TSEN54: variants seen among roughly 807,000 people sequenced by gnomAD.
TSEN54 encodes the protein tRNA-splicing endonuclease subunit Sen54.
Under a neutral mutation model 61.9 loss-of-function variants are expected in TSEN54, and 55 were observed. The ratio of observed to expected loss-of-function variants is 0.89; its 90% CI spans 0.72 to 1.11. The LOEUF (loss-of-function observed/expected upper bound fraction) is 1.11, where lower values mean the gene tolerates loss of function less well. TSEN54 is among the 50% of genes most tolerant of loss of function. TSEN54 has a pLI of 0.00. For missense variants in TSEN54, 760 were observed against 687.7 expected, an observed-to-expected ratio of 1.11 and a Z score of -1.18; for synonymous variants, 304 against 288.7, an observed-to-expected ratio of 1.05 and a Z score of -0.54.
In TSEN54 at chr17:75,517,153, C is replaced by T. The variant is rs886053395; in HGVS notation, c.286-8C>T. On this transcript the variant is annotated splice_polypyrimidine_tract_variant and splice_region_variant and intron_variant, in intron 3 of 10. Coordinates refer to ENST00000333213, the MANE Select transcript of TSEN54 (RefSeq NM_207346.3). The stretch of plus-strand genomic sequence containing the variant: ...TCCCTTGTGACACTTGCTCTGGGCC[C>T]CACACAGGGCAAATTCTGGCAGACC... The T allele has an allele frequency of 6.4e-7, 1 of 1,564,146 alleles. No individual in the cohort carries two copies.
In TSEN54 at chr17:75,521,889, C is replaced by T. The variant is rs758853965; in HGVS notation, c.808C>T (p.Pro270Ser). The T allele has an allele frequency of 1.1e-5, 18 of 1,609,722 alleles. No homozygotes were observed. The highest frequency in any genetic ancestry group is 3.4e-5 in the Admixed American group (2 of 59,556). Residue 270 changes from proline to serine, a missense_variant, in exon 8 of 11, where the codon CCG becomes TCG. Physicochemically the swap from Pro to Ser is moderately conservative, Grantham distance 74. Around this residue, in one of 3 missense-constraint regions of TSEN54, gnomAD observed 667 missense variants for 577.8 expected, o/e 1.15. Transcript: ENST00000333213. ...GGGGTCCCTGGGCCCCAGCCCTGGC[C>T]CGGCCAGGGAGGGGGTGGGGTGCAG... Reference protein sequence around the residue: ...LLGSLGPSPGPAREGVGCSWE... With the variant: ...LLGSLGPSPGSAREGVGCSWE...
At chr17:75,516,648 G>T (rs1301831372) in intron 1 of TSEN54, 32 bp downstream of exon 1, 2 of 1,236,716 alleles carry the variant, frequency 1.6e-6, no homozygotes, top group Middle Eastern at 3.2e-4. Flanking sequence ...GTGGGTGTCG[G>T]GGGCGCGGGG....
chr17:75,519,283 C>G (rs994750016), intron 6 of TSEN54, among the ~76,000 whole-genome samples: 1 of 152,198 alleles, frequency 6.6e-6, no homozygotes, highest in Non-Finnish European at 1.5e-5. Context: ...TGACCTGCGC[C>G]TGCAGCTGAG....
intron 8 of TSEN54, 70 bp from the exon 9 acceptor site, chr17:75,523,205 T>A: frequency 1.2e-6 from 2 of 1,609,358 alleles, no homozygotes; most frequent in Non-Finnish European, 1.7e-6. Context: ...AATCTGGCCG[T>A]CCTAAACTAG....
Position 75,517,094 on chromosome 17 carries a change from C to G in TSEN54, c.285+22C>G, listed in dbSNP as rs376011204. On this transcript the variant is annotated intron_variant, in intron 3 of 10. Coordinates refer to ENST00000333213, the MANE Select transcript of TSEN54 (RefSeq NM_207346.3). ...CGCGGTGAGCGGCGGGCTCGGGGACCGGGGACCGCCCTCCCTGCCCTCCCT... is the reference window on the plus strand; with the variant it reads ...CGCGGTGAGCGGCGGGCTCGGGGACGGGGGACCGCCCTCCCTGCCCTCCCT... 5 of 1,578,940 alleles carry G rather than the reference C, an allele frequency of 3.2e-6. No homozygotes were observed. The African/African-American group carries it at 7.2e-5, about 23-fold the overall frequency.
intron 6 of TSEN54, 44 bp downstream of exon 6, chr17:75,519,091 G>A (rs763510153): frequency 5.1e-5 from 82 of 1,606,464 alleles, no homozygotes; most frequent in Non-Finnish European, 6.4e-5. Flanking sequence ...CTAGTCCTGG[G>A]ACCTGGCTGA....
At chr17:75,523,177 T>A (rs2053447704) in intron 8 of TSEN54, 98 bp from the exon 9 acceptor site, 10 of 1,350,588 alleles carry the variant, frequency 7.4e-6, no homozygotes, top group Non-Finnish European at 1.0e-5. Context: ...AGACTCCGTT[T>A]AAAAAAAAAA....
At chr17:75,524,234 G>A (rs1437308156) in intron 10 of TSEN54, 28 bp from the exon 11 acceptor site, 2 of 1,613,912 alleles carry the variant, frequency 1.2e-6, no homozygotes, top group African/African-American at 2.7e-5. Context: ...CTATGGCTGG[G>A]TCTCACTCTA....
In TSEN54 at chr17:75,516,780, C is replaced by G; in HGVS notation, c.91C>G (p.Gln31Glu). 6.3e-7 allele frequency: 1 copy of G among 1,581,486 alleles called. No individual in the cohort carries two copies. The highest frequency in any genetic ancestry group is 8.5e-7 in the Non-Finnish European group (1 of 1,171,928). ...RELFAARSRS[Q>E]KLPQRSHGPK... The stretch of plus-strand genomic sequence containing the variant: ...GCTCTTCGCCGCCCGCTCGCGGTCG[C>G]AGAAGCTGCCCCAGCGCTCGCATGG... The change falls in exon 2 of 11, where the codon CAG becomes GAG. Residue 31 changes from glutamine (Q) to glutamate (E), a missense_variant. Gln to Glu is a conservative substitution (Grantham distance 29, BLOSUM62 2). This residue lies in a region of TSEN54 where 667 missense variants were observed against 577.8 expected (regional missense o/e 1.15). Coordinates refer to ENST00000333213, the MANE Select transcript of TSEN54 (RefSeq NM_207346.3).
At chr17:75,517,268 G>A in intron 4 of TSEN54, 24 bp downstream of exon 4, 1 of 1,574,548 alleles carries the variant, frequency 6.4e-7, no homozygotes, top group Non-Finnish European at 8.6e-7. Context: ...GGGAGGTGGG[G>A]AAGGAGTTGG....
intron 7 of TSEN54, 86 bp from the exon 8 acceptor site, chr17:75,521,619 C>G (rs896560667): frequency 1.6e-5 from 25 of 1,570,480 alleles, no homozygotes; most frequent in Non-Finnish European, 1.9e-5. Flanking sequence ...CAGGGAGACA[C>G]TAGGGGACCT....
At position 75,516,962 on chromosome 17, in the gene TSEN54, G is replaced by A. The variant is rs747263329; in HGVS notation, c.222-47G>A. 2.6e-6 allele frequency: 4 copies of A among 1,546,724 alleles called. No individual in the cohort carries two copies. In the Admixed American group the frequency reaches 7.8e-5, roughly 30 times the overall value. On this transcript the variant is annotated intron_variant, in intron 2 of 10. Coordinates refer to ENST00000333213, the MANE Select transcript of TSEN54 (RefSeq NM_207346.3). ...GGAAGCGGGGGCGAGGCGGGCCGCG[G>A]GGTCTCCGGAATGGACTGACGCAGA...
At chr17:75,524,006 G>C (rs1193461677) in intron 10 of TSEN54, among the ~76,000 whole-genome samples, 1 of 152,176 alleles carries the variant, frequency 6.6e-6, no homozygotes, top group Non-Finnish European at 1.5e-5. Context: ...TGCCATTTTA[G>C]TCTAGGACTC....
intron 1 of TSEN54, 57 bp from the exon 2 acceptor site, chr17:75,516,689 A>C: frequency 4.0e-6 from 5 of 1,263,074 alleles, no homozygotes; most frequent in Non-Finnish European, 5.0e-6. Context: ...GGCGCCCGGG[A>C]CCCGGCCAGG....
intron 3 of TSEN54, 31 bp downstream of exon 3, chr17:75,517,103 CCCTCCCTG>C: frequency 1.8e-6 from 2 of 1,095,556 alleles, no homozygotes; most frequent in African/African-American, 4.1e-5. Context: ...CCGGGGACCG[CCCTCCCTG>C]CCCTCCCTGC....
rs1205287158 is a variant in TSEN54, at chr17:75,516,594, G to T, written c.34G>T (p.Val12Phe). 1.7e-6 allele frequency: 2 copies of T among 1,167,270 alleles called. No individual in the cohort carries two copies. Among genetic ancestry groups the T allele is most frequent in the Non-Finnish European group, 2.1e-6 (2 of 947,736 alleles). 72.3% of individuals were successfully genotyped at this position (1,167,270 alleles called of 1,614,324 possible). A position where few individuals can be genotyped will look rare whatever the true frequency, so the allele number is the denominator to read the frequency against. The change falls in exon 1 of 11, where the codon GTT (valine) becomes TTT (phenylalanine). Residue 12 changes from valine (V) to phenylalanine (F), a missense_variant. This residue lies in a region of TSEN54 where 667 missense variants were observed against 577.8 expected (regional missense o/e 1.15). Transcript: ENST00000333213. ...CGAGCCCGAGCCCGCGGCCGTGGAG[G>T]TTCCCGCGGGGCGCGTGCTCAGGTG... ...EPEPEPAAVE[V>F]PAGRVLSARE...
At chr17:75,519,159 TC>T in intron 6 of TSEN54, 112 bp downstream of exon 6, 1 of 1,242,790 alleles carries the variant, frequency 8.0e-7, no homozygotes, top group Non-Finnish European at 1.2e-6. Flanking sequence ...GGAGTGCAGT[TC>T]CTTGGGCACA....
chr17:75,523,918 C>T, intron 10 of TSEN54, 139 bp downstream of exon 10: 8 of 950,168 alleles, frequency 8.4e-6, no homozygotes, highest in Non-Finnish European at 1.2e-5. Context: ...AAGTGACCTA[C>T]ACAAGGCCAC....
In TSEN54 at chr17:75,524,424, T is replaced by C. The variant is rs762349847; in HGVS notation, c.*12T>C. On this transcript the variant is annotated 3_prime_UTR_variant, in exon 11 of 11. Coordinates refer to ENST00000333213, the MANE Select transcript of TSEN54 (RefSeq NM_207346.3). ...ATGTGGGGCACTGACCTCACAGCTC[T>C]GCAGAGGATGGAGCTTGCTCCGGGG... 1 of 1,613,996 alleles carries C rather than the reference T, an allele frequency of 6.2e-7. No individual in the cohort carries two copies. The highest frequency in any genetic ancestry group is 1.1e-5 in the South Asian group (1 of 91,090).
Sources: allele counts gnomAD v4.1 joint callset (sites outside exome capture counted in the v4.1 genomes callset), GRCh38; gene constraint gnomAD v4.1.1; regional missense constraint gnomAD v4.1.1; transcripts MANE v1.5; gene names NCBI Gene and HGNC (gene_info 2026-07-23, HGNC 2026-07-21).